The following RPGRIP1L variants were observed in gnomAD, a reference collection of about 807,000 sequenced individuals.
The protein encoded by RPGRIP1L is protein fantom.
Under a neutral mutation model 160.4 loss-of-function variants are expected in RPGRIP1L, and 131 were observed. The ratio of observed to expected loss-of-function variants is 0.82; its 90% confidence interval spans 0.71 to 0.94. RPGRIP1L has a LOEUF of 0.94. RPGRIP1L is among the 40% of genes least tolerant of loss of function. The probability of loss-of-function intolerance (pLI) is 0.00; values close to 1 mark genes in which losing one functional copy is unlikely to be tolerated. For synonymous variants in RPGRIP1L, 510 were observed against 515.8 expected, an observed-to-expected ratio of 0.99 and a Z score of 0.15; for missense variants, 1,522 against 1,535.8, an observed-to-expected ratio of 0.99 and a Z score of 0.15.
intron 6 of RPGRIP1L, among the ~76,000 whole-genome samples, chr16:53,685,838 A>C (rs1969966885): frequency 6.6e-6 from 1 of 152,164 alleles, no homozygotes; most frequent in African/African-American, 2.4e-5. Flanking sequence ...ACAAACCTAC[A>C]CATCCTGTAC....
intron 12 of RPGRIP1L, 36 bp downstream of exon 12, chr16:53,658,378 C>A (rs367793309): frequency 2.7e-6 from 4 of 1,493,452 alleles, no homozygotes; most frequent in Non-Finnish European, 3.7e-6. Context: ...CAGTTGTATG[C>A]AGACATGAAA....
At chr16:53,623,191 T>A (rs1233305446) in intron 22 of RPGRIP1L, among the ~76,000 whole-genome samples, 1 of 152,200 alleles carries the variant, frequency 6.6e-6, no homozygotes, top group East Asian at 1.9e-4. Flanking sequence ...AGCTTCCTAG[T>A]TATCAGAAGG....
intron 24 of RPGRIP1L, among the ~76,000 whole-genome samples, chr16:53,612,744 A>G (rs1329918159): frequency 6.6e-6 from 1 of 152,226 alleles, no homozygotes; most frequent in Non-Finnish European, 1.5e-5. Context: ...TAAAATACAC[A>G]TAACATAAAA....
chr16:53,638,870 A>C (rs929156865), intron 19 of RPGRIP1L, among the ~76,000 whole-genome samples: 2 of 151,936 alleles, frequency 1.3e-5, no homozygotes, highest in African/African-American at 4.8e-5. Flanking sequence ...CAAACAAGCA[A>C]GCAAACACAC....
At chr16:53,645,498 A>C in intron 17 of RPGRIP1L, 127 bp downstream of exon 17, 15 of 732,364 alleles carry the variant, frequency 2.0e-5, no homozygotes, top group Non-Finnish European at 2.8e-5. Flanking sequence ...ATATAGTAAT[A>C]TAGGCCTAAA....
chr16:53,649,450 TATA>T (rs772777174), intron 15 of RPGRIP1L, among the ~76,000 whole-genome samples: 20 of 152,208 alleles, frequency 1.3e-4, no homozygotes, highest in Non-Finnish European at 2.4e-4. Context: ...GATGCTATAG[TATA>T]ATACTTTTTT....
intron 9 of RPGRIP1L, among the ~76,000 whole-genome samples, chr16:53,667,416 A>G (rs769512015): frequency 6.6e-6 from 1 of 152,216 alleles, no homozygotes; most frequent in Non-Finnish European, 1.5e-5. Flanking sequence ...GAGAGACAGG[A>G]AAGAATATAC....
rs557607456 is a variant in RPGRIP1L, at chr16:53,614,538, T to C, written c.3617-3487A>G. 3.9e-5 allele frequency among the ~76,000 whole-genome samples: 6 copies of C among 152,310 alleles called. No homozygotes were observed. The South Asian group carries it at 8.3e-4, about 21-fold the overall frequency. On this transcript the variant is annotated intron_variant, in intron 24 of 26. Transcript: ENST00000647211. The stretch of plus-strand genomic sequence containing the variant: ...AACATTCATTTGCCAAATTTTTAAA[T>C]GGGATCAGGAGCTAGTGAACACTTT...
intron 6 of RPGRIP1L, among the ~76,000 whole-genome samples, chr16:53,684,895 CA>C (rs928486687): frequency 6.6e-6 from 1 of 151,710 alleles, no homozygotes. Flanking sequence ...TTCTGCACAG[CA>C]AAAGAAACTA....
At chr16:53,606,198 A>G (rs530910956) in intron 25 of RPGRIP1L, among the ~76,000 whole-genome samples, 2 of 152,326 alleles carry the variant, frequency 1.3e-5, no homozygotes, top group East Asian at 1.9e-4. Flanking sequence ...TTAACTTACA[A>G]TCATAGCATC....
At chr16:53,689,049 G>A (rs1008579255) in intron 4 of RPGRIP1L, among the ~76,000 whole-genome samples, 1 of 149,670 alleles carries the variant, frequency 6.7e-6, no homozygotes, top group Non-Finnish European at 1.5e-5. Flanking sequence ...GTCTCATGGT[G>A]ATTTGCCAAT....
At chr16:53,641,002 A>C in intron 19 of RPGRIP1L, 31 bp downstream of exon 19, 1 of 1,474,644 alleles carries the variant, frequency 6.8e-7, no homozygotes, top group Non-Finnish European at 9.5e-7. Flanking sequence ...TTGTTATGAA[A>C]AAATCAGTAT....
intron 16 of RPGRIP1L, among the ~76,000 whole-genome samples, chr16:53,647,661 G>A (rs1966649002): frequency 6.6e-6 from 1 of 152,198 alleles, no homozygotes; most frequent in South Asian, 2.1e-4. Context: ...TGGCCACTGG[G>A]AGCCCAGCTC....
At chr16:53,623,780 A>T (rs1236776143) in intron 22 of RPGRIP1L, among the ~76,000 whole-genome samples, 1 of 152,218 alleles carries the variant, frequency 6.6e-6, no homozygotes, top group Non-Finnish European at 1.5e-5. Context: ...GGGCTTCAGG[A>T]GGGCAGGACC....
chr16:53,670,876 C>T (rs1229595032), intron 9 of RPGRIP1L, among the ~76,000 whole-genome samples: 1 of 152,140 alleles, frequency 6.6e-6, no homozygotes, highest in Admixed American at 6.6e-5. Context: ...AGGAGGATCA[C>T]TTGAGCCCAG....
intron 22 of RPGRIP1L, among the ~76,000 whole-genome samples, chr16:53,635,243 G>A (rs1298066092): frequency 6.6e-6 from 1 of 152,090 alleles, no homozygotes; most frequent in Admixed American, 6.6e-5. Context: ...TGCTAGCCAC[G>A]TTGCCAACAT....
rs758806549 is a variant in RPGRIP1L at position 53,652,999 on chromosome 16, G to C, written c.1700-12C>G. On this transcript the variant is annotated splice_polypyrimidine_tract_variant and intron_variant, in intron 14 of 26. Transcript: ENST00000647211. ...ATCCTTTAATTGGGCTGCAAGAGAA[G>C]ACACACAGTTTAGAGATTTCAAAAT... 1.9e-6 allele frequency: 3 copies of C among 1,601,096 alleles called. No individual in the cohort carries two copies. In the South Asian group the frequency reaches 3.3e-5, roughly 18 times the overall value.
chr16:53,647,491 G>A (rs1234690455), intron 16 of RPGRIP1L, among the ~76,000 whole-genome samples: 1 of 152,158 alleles, frequency 6.6e-6, no homozygotes, highest in Non-Finnish European at 1.5e-5. Context: ...GATGATGGCT[G>A]CCTACAGCCC....
chr16:53,627,640 T>G (rs1965267218), intron 22 of RPGRIP1L, among the ~76,000 whole-genome samples: 1 of 152,226 alleles, frequency 6.6e-6, no homozygotes, highest in Non-Finnish European at 1.5e-5. Context: ...CTACTGCATG[T>G]GTGTATATCT....
Sources: gnomAD v4.1 joint callset for allele counts (sites outside exome capture counted in the v4.1 genomes callset) on GRCh38, gnomAD v4.1.1 for gene constraint, MANE v1.5 for transcripts, NCBI Gene and HGNC (gene_info 2026-07-23, HGNC 2026-07-21) for gene names.